Variants in EPB41L3 observed in about 807,000 individuals in gnomAD.
The protein encoded by EPB41L3 is band 4.1-like protein 3.
EPB41L3 carries 57 observed loss-of-function variants against 127.1 expected under a neutral mutation model. That is an observed-to-expected ratio of 0.45 (90% CI 0.36 to 0.56). The LOEUF is 0.56. EPB41L3 is among the 20% of genes least tolerant of loss of function. The pLI, the probability that EPB41L3 is intolerant of heterozygous loss-of-function variation, is 0.00. For synonymous variants in EPB41L3, 572 were observed against 549.5 expected, an observed-to-expected ratio of 1.04 and a Z score of -0.57; for missense variants, 1,273 against 1,372.2, an observed-to-expected ratio of 0.93 and a Z score of 1.14.
intron 3 of EPB41L3, among the ~76,000 whole-genome samples, chr18:5,592,232 T>C (rs576880016): frequency 6.6e-6 from 1 of 152,302 alleles, no homozygotes; most frequent in South Asian, 2.1e-4. Flanking sequence ...AGTGGCATGA[T>C]CTTGGCTCAC....
rs116543111 is a variant in EPB41L3, at chr18:5,472,843, G to A, written c.381+5398C>T. Among the ~76,000 whole-genome samples, 980 of 152,258 alleles carry A rather than the reference G, an allele frequency of 6.4e-3. 10 individuals are homozygous for A. Among genetic ancestry groups the A allele is most frequent in the African/African-American group, 0.022 (894 of 41,556 alleles). ...CAGAGTATTAGGCAAGTTTTTAACC[G>A]TCCCTTACTGACCAATAGTTAGAAG... is the stretch of plus-strand genomic sequence containing the variant. On this transcript the variant is annotated intron_variant, in intron 3 of 22. Coordinates refer to ENST00000341928, the MANE Select transcript of EPB41L3 (RefSeq NM_012307.5).
intron 3 of EPB41L3, among the ~76,000 whole-genome samples, chr18:5,563,884 G>A (rs2094164897): frequency 2.0e-5 from 3 of 152,180 alleles, no homozygotes; most frequent in Admixed American, 2.0e-4. Context: ...TGCAGCTCAG[G>A]AGAGGTTGAG....
chr18:5,484,119 A>C (rs1478865754), intron 2 of EPB41L3, among the ~76,000 whole-genome samples: 5 of 141,086 alleles, frequency 3.5e-5, no homozygotes, highest in African/African-American at 1.3e-4. Context: ...AAAAAAAAAA[A>C]AACAGAAAAA....
intron 1 of EPB41L3, among the ~76,000 whole-genome samples, chr18:5,616,772 A>G (rs973224292): frequency 5.3e-5 from 8 of 152,348 alleles, no homozygotes; most frequent in Admixed American, 2.6e-4. Context: ...GCAATGTAAA[A>G]AAATCAACAA....
intron 3 of EPB41L3, among the ~76,000 whole-genome samples, chr18:5,608,783 G>A (rs1288232833): frequency 6.6e-6 from 1 of 152,174 alleles, no homozygotes; most frequent in African/African-American, 2.4e-5. Flanking sequence ...AACACACCAT[G>A]TGAATCCCAA....
Position 5,489,000 on chromosome 18 carries a change from C to T in EPB41L3, c.183+1G>A. On this transcript the variant is annotated splice_donor_variant, in intron 2 of 22. Coordinates refer to ENST00000341928, the MANE Select transcript of EPB41L3 (RefSeq NM_012307.5). LOFTEE classifies it high-confidence loss of function. ...TCATTAGTTTTCTGGCCTGGGCTCA[C>T]CTCCCTCCGCACCGGGGTGCTGTGC... The T allele has an allele frequency of 1.3e-6, 2 of 1,577,080 alleles. No homozygotes were observed. Among genetic ancestry groups the T allele is most frequent in the Non-Finnish European group, 1.7e-6 (2 of 1,171,844 alleles).
chr18:5,565,383 G>A (rs2094184846), intron 3 of EPB41L3, among the ~76,000 whole-genome samples: 1 of 152,036 alleles, frequency 6.6e-6, no homozygotes, highest in Non-Finnish European at 1.5e-5. Flanking sequence ...TTGCACTCCA[G>A]CCTGGGCAAC....
intron 3 of EPB41L3, among the ~76,000 whole-genome samples, chr18:5,603,257 G>C (rs977156009): frequency 6.6e-6 from 1 of 152,176 alleles, no homozygotes; most frequent in African/African-American, 2.4e-5. Flanking sequence ...CTAAGTGAGA[G>C]GAAAATGAAC....
At chr18:5,576,451 C>T (rs1344889966) in intron 3 of EPB41L3, among the ~76,000 whole-genome samples, 1 of 152,150 alleles carries the variant, frequency 6.6e-6, no homozygotes, top group Admixed American at 6.5e-5. Context: ...CATTAAGAAC[C>T]CCCTTAGCTA....
chr18:5,500,220 A>G (rs1368190194), intron 1 of EPB41L3, among the ~76,000 whole-genome samples: 1 of 152,204 alleles, frequency 6.6e-6, no homozygotes, highest in African/African-American at 2.4e-5. Flanking sequence ...GGAGAGAGAA[A>G]AAGGTAGCAT....
intron 1 of EPB41L3, among the ~76,000 whole-genome samples, chr18:5,539,873 G>A (rs903103437): frequency 2.0e-5 from 3 of 152,248 alleles, no homozygotes; most frequent in African/African-American, 4.8e-5. Flanking sequence ...AACAAAAATG[G>A]AAATGGAAAT....
At chr18:5,464,062 A>G (rs946276965) in intron 3 of EPB41L3, among the ~76,000 whole-genome samples, 1 of 152,048 alleles carries the variant, frequency 6.6e-6, no homozygotes, top group Non-Finnish European at 1.5e-5. Context: ...TTTCCTGCCC[A>G]TGGTGTTTCA....
chr18:5,547,065 A>G (rs200573510), upstream of EPB41L3, among the ~76,000 whole-genome samples: 1 of 101,608 alleles, frequency 9.8e-6, no homozygotes, highest in Non-Finnish European at 2.2e-5. Flanking sequence ...TTACTAAGTA[A>G]AAGCAATAAT....
rs1366535739 is a variant in EPB41L3, at chr18:5,393,290, G to C, written c.*195C>G. ...CATGCATTATCGGTTTAGTGATGCTGAATCAGATTGCTTTATTATGGGAAG... is the reference window on the plus strand; with the variant it reads ...CATGCATTATCGGTTTAGTGATGCTCAATCAGATTGCTTTATTATGGGAAG... On this transcript the variant is annotated 3_prime_UTR_variant, in exon 23 of 23. Coordinates refer to ENST00000341928, the MANE Select transcript of EPB41L3 (RefSeq NM_012307.5). 6.4e-6 allele frequency: 3 copies of C among 467,476 alleles called. No individual in the cohort carries two copies. Among genetic ancestry groups the C allele is most frequent in the African/African-American group, 6.0e-5 (3 of 49,686 alleles). 29.0% of individuals were successfully genotyped at this position (467,476 alleles called of 1,614,324 possible). A position where few individuals can be genotyped will look rare whatever the true frequency, so the allele number is the denominator to read the frequency against.
chr18:5,484,106 A>AAAAAAAAAAAAAAAAC (rs2089218093), intron 2 of EPB41L3, among the ~76,000 whole-genome samples: 1 of 141,534 alleles, frequency 7.1e-6, no homozygotes, highest in Non-Finnish European at 1.5e-5. Context: ...AAAAAAAAAA[A>AAAAAAAAAAAAAAAAC]AAAAAAAAAA....
chr18:5,622,249 A>G (rs1257060477), intron 1 of EPB41L3, among the ~76,000 whole-genome samples: 2 of 152,348 alleles, frequency 1.3e-5, no homozygotes, highest in African/African-American at 2.4e-5. Flanking sequence ...AATGTTAACA[A>G]GGTATGCATT....
chr18:5,398,759 G>C, intron 16 of EPB41L3: 1 of 399,410 alleles, frequency 2.5e-6, no homozygotes, highest in Non-Finnish European at 4.4e-6. Context: ...GGGGACCAAA[G>C]AGGCCCACTT....
intron 1 of EPB41L3, among the ~76,000 whole-genome samples, chr18:5,513,742 G>C (rs745593407): frequency 6.6e-6 from 1 of 152,166 alleles, no homozygotes; most frequent in Non-Finnish European, 1.5e-5. Flanking sequence ...GATTTAGTAA[G>C]AAAATTCACA....
At chr18:5,463,842 G>A (rs1599292107) in intron 3 of EPB41L3, 1 of 152,430 alleles carries the variant, frequency 6.6e-6, no homozygotes, top group East Asian at 1.9e-4. Flanking sequence ...AACGTGAGAT[G>A]ATAAACACAT....
Sources: gnomAD v4.1 joint callset for allele counts (sites outside exome capture counted in the v4.1 genomes callset) on GRCh38, gnomAD v4.1.1 for gene constraint, MANE v1.5 for transcripts, NCBI Gene and HGNC (gene_info 2026-07-23, HGNC 2026-07-21) for gene names.